Variants in GRIP1 observed in about 807,000 individuals in gnomAD.
The protein encoded by GRIP1 is glutamate receptor-interacting protein 1.
Under a neutral mutation model 129.9 loss-of-function variants are expected in GRIP1, and 45 were observed. That is an observed-to-expected ratio of 0.35 (90% CI 0.27 to 0.44). GRIP1 has a LOEUF of 0.44. Among genes scored for constraint, GRIP1 ranks in the 20% least tolerant of loss-of-function variants. The probability of loss-of-function intolerance (pLI) is 1.00; values close to 1 mark genes in which losing one functional copy is unlikely to be tolerated. For missense variants in GRIP1, 1,196 were observed against 1,396.8 expected (o/e 0.86, Z 2.29); for synonymous variants, 530 against 520.8 (o/e 1.02, Z -0.24).
At chr12:66,989,758 T>C (rs1291937686) in intron 1 of GRIP1, among the ~76,000 whole-genome samples, 8 of 152,194 alleles carry the variant, frequency 5.3e-5, no homozygotes, top group African/African-American at 1.9e-4. Context: ...AACTTGTTTA[T>C]AGGAAATGGA....
At chr12:66,767,535 A>G (rs893418642) in intron 1 of GRIP1, among the ~76,000 whole-genome samples, 7 of 151,768 alleles carry the variant, frequency 4.6e-5, no homozygotes, top group African/African-American at 1.7e-4. Flanking sequence ...GGCTAGTCAC[A>G]TCATTTTGCC....
chr12:66,675,580 T>C (rs2034289267), intron 1 of GRIP1, among the ~76,000 whole-genome samples: 1 of 152,182 alleles, frequency 6.6e-6, no homozygotes, highest in Non-Finnish European at 1.5e-5. Flanking sequence ...AAACCAGGGC[T>C]GTCCCAGGTA....
At chr12:66,437,351 T>C (rs1005568163) in intron 13 of GRIP1, among the ~76,000 whole-genome samples, 1 of 131,360 alleles carries the variant, frequency 7.6e-6, no homozygotes, top group African/African-American at 2.7e-5. Context: ...TTGAGGACTA[T>C]GATGCTGTAT....
intron 1 of GRIP1, among the ~76,000 whole-genome samples, chr12:67,059,741 G>A (rs945931696): frequency 5.9e-5 from 9 of 152,082 alleles, no homozygotes; most frequent in African/African-American, 1.4e-4. Context: ...ATACACACAC[G>A]CCCATCCTTC....
At chr12:66,386,106 C>T (rs1371211577) in intron 19 of GRIP1, among the ~76,000 whole-genome samples, 1 of 152,028 alleles carries the variant, frequency 6.6e-6, no homozygotes, top group East Asian at 1.9e-4. Flanking sequence ...TCTTTATTTG[C>T]ACAAGTGGAA....
chr12:67,043,066 C>T lies in GRIP1; in HGVS notation c.58+25984G>A, dbSNP rs144530849. Among the ~76,000 whole-genome samples, 55 of 152,238 alleles carry T rather than the reference C, an allele frequency of 3.6e-4. No individual in the cohort carries two copies. The East Asian group carries it at 9.1e-3, about 25-fold the overall frequency. On this transcript the variant is annotated intron_variant, in intron 1 of 1. Coordinates refer to the GRIP1 transcript ENST00000643019. The stretch of plus-strand genomic sequence containing the variant: ...GAGAGTGTGAGTAGATAAGGGCTGG[C>T]AGGTGTGTGCTGTTCACTGACAAAG...
intron 1 of GRIP1, among the ~76,000 whole-genome samples, chr12:66,797,224 C>T (rs1229632128): frequency 6.6e-6 from 1 of 152,128 alleles, no homozygotes; most frequent in Non-Finnish European, 1.5e-5. Flanking sequence ...TGTGTGTTCC[C>T]TCTAAAACAA....
chr12:66,530,154 T>C (rs1265762836), intron 4 of GRIP1, among the ~76,000 whole-genome samples: 1 of 152,196 alleles, frequency 6.6e-6, no homozygotes, highest in Non-Finnish European at 1.5e-5. Context: ...AGCTAGCTCA[T>C]TTCCTTCTAT....
chr12:66,893,835 T>C (rs2040701530), intron 1 of GRIP1, among the ~76,000 whole-genome samples: 1 of 152,208 alleles, frequency 6.6e-6, no homozygotes, highest in African/African-American at 2.4e-5. Context: ...TCACCTCTTA[T>C]TCAAAACCCT....
chr12:67,049,517 T>C lies in GRIP1; in HGVS notation c.58+19533A>G, dbSNP rs146149950. ...ACAAGTGGGAGTTGAACAATGAGAA[T>C]ACATGGACGCAGGGAGGGGAACTTC... is the stretch of plus-strand genomic sequence containing the variant. On this transcript the variant is annotated intron_variant, in intron 1 of 1. Transcript: ENST00000643019. Among the ~76,000 whole-genome samples the C allele has an allele frequency of 3.9e-5, 6 of 152,026 alleles. No homozygotes were observed. In the South Asian group the frequency reaches 6.2e-4, roughly 16 times the overall value.
chr12:67,016,522 A>G (rs2042789942), intron 1 of GRIP1, among the ~76,000 whole-genome samples: 1 of 152,188 alleles, frequency 6.6e-6, no homozygotes, highest in African/African-American at 2.4e-5. Flanking sequence ...AAAGAAGCTC[A>G]GTGCTCACAT....
intron 1 of GRIP1, among the ~76,000 whole-genome samples, chr12:66,886,051 T>G (rs2040560667): frequency 6.6e-6 from 1 of 152,102 alleles, no homozygotes; most frequent in Non-Finnish European, 1.5e-5. Context: ...TCACTTGAGG[T>G]CAGGAGCTCG....
chr12:66,424,156 T>C (rs775691309), intron 14 of GRIP1, among the ~76,000 whole-genome samples: 5 of 152,216 alleles, frequency 3.3e-5, no homozygotes, highest in Non-Finnish European at 7.3e-5. Flanking sequence ...ACAGCTCTTC[T>C]GCAATCCAGC....
Position 66,377,262 on chromosome 12 carries a change from G to A in GRIP1, c.2645C>T (p.Ala882Val). The change falls in exon 21 of 25, where the codon GCA becomes GTA. Residue 882 changes from alanine (A) to valine (V), a missense_variant. Around this residue, in one of 5 missense-constraint regions of GRIP1, gnomAD observed 427 missense variants for 463.3 expected, o/e 0.92. Transcript: ENST00000359742. ...GAAGTTCTCCTCTTGTTCTGTCTCTGCACTATCGGCAGCCCCTGCAAAACT... is the reference window on the plus strand; with the variant it reads ...GAAGTTCTCCTCTTGTTCTGTCTCTACACTATCGGCAGCCCCTGCAAAACT... Reference protein sequence around the residue: ...ASGFAGAADSAETEQEENFWS... With the variant: ...ASGFAGAADSVETEQEENFWS... 1 of 1,612,372 alleles carries A rather than the reference G, an allele frequency of 6.2e-7. No homozygotes were observed. Among genetic ancestry groups the A allele is most frequent in the Non-Finnish European group, 8.5e-7 (1 of 1,178,470 alleles).
intron 1 of GRIP1, among the ~76,000 whole-genome samples, chr12:66,632,746 AGG>A (rs903478841): frequency 1.3e-5 from 2 of 152,222 alleles, no homozygotes; most frequent in African/African-American, 4.8e-5. Context: ...TACAATTTTG[AGG>A]GATTTCAAGA....
At chr12:66,533,324 C>A (rs541834543) in intron 4 of GRIP1, among the ~76,000 whole-genome samples, 25 of 152,144 alleles carry the variant, frequency 1.6e-4, no homozygotes, top group African/African-American at 6.0e-4. Flanking sequence ...GTGTAAGCCA[C>A]CACAGCTGGC....
At chr12:66,539,767 G>A (rs1804841155) in intron 3 of GRIP1, among the ~76,000 whole-genome samples, 2 of 151,930 alleles carry the variant, frequency 1.3e-5, no homozygotes, top group Admixed American at 1.3e-4. Flanking sequence ...GCTTACAGCA[G>A]GATTGATAAG....
Position 66,449,748 on chromosome 12 carries a change from T to G in GRIP1, c.1355-4240A>C, listed in dbSNP as rs138552588. Among the ~76,000 whole-genome samples the G allele has an allele frequency of 3.2e-3, 482 of 152,328 alleles. 5 individuals carry two copies. The highest frequency in any genetic ancestry group is 0.011 in the African/African-American group (443 of 41,582). ...GTCAATAAGGATCTGGAGAGTATGT[T>G]GCATTCCAGTTATTACTCACAGAAG... is the stretch of plus-strand genomic sequence containing the variant. On this transcript the variant is annotated intron_variant, in intron 11 of 24. Transcript: ENST00000359742.
intron 1 of GRIP1, among the ~76,000 whole-genome samples, chr12:66,635,059 A>G (rs1407508782): frequency 1.3e-5 from 2 of 152,204 alleles, no homozygotes; most frequent in Non-Finnish European, 2.9e-5. Flanking sequence ...TCTGGCACAT[A>G]GTAGGAGTCA....
Sources: allele counts gnomAD v4.1 joint callset (sites outside exome capture counted in the v4.1 genomes callset), GRCh38; gene constraint gnomAD v4.1.1; regional missense constraint gnomAD v4.1.1; transcripts MANE v1.5; gene names NCBI Gene and HGNC (gene_info 2026-07-23, HGNC 2026-07-21).